Variants in RASA3 observed in about 807,000 individuals in gnomAD.
RASA3 encodes the protein ras GTPase-activating protein 3.
Under a neutral mutation model 110.0 loss-of-function variants are expected in RASA3, and 73 were observed. The ratio of observed to expected loss-of-function variants is 0.66; its 90% CI spans 0.55 to 0.81. RASA3 has a LOEUF of 0.81. Among genes scored for constraint, RASA3 ranks in the 30% least tolerant of loss-of-function variants. RASA3 has a pLI of 0.00. For missense variants in RASA3, 976 were observed against 1,113.2 expected (o/e 0.88, Z 1.75); for synonymous variants, 500 against 451.4 (o/e 1.11, Z -1.37).
At chr13:113,995,434 C>T (rs1219030654) in intron 21 of RASA3, among the ~76,000 whole-genome samples, 2 of 152,268 alleles carry the variant, frequency 1.3e-5, no homozygotes, top group Non-Finnish European at 2.9e-5. Flanking sequence ...CAGCATGGAG[C>T]ACAGCTCATC....
rs1180696906 is a variant in RASA3 at position 114,028,044 on chromosome 13, C to G, written c.450-117G>C. 5 of 829,382 alleles carry G rather than the reference C, an allele frequency of 6.0e-6. No homozygotes were observed. In the African/African-American group the frequency reaches 6.9e-5, roughly 11 times the overall value. 51.4% of individuals were successfully genotyped at this position (829,382 alleles called of 1,614,324 possible). ...CAAGCTGTGAGATGAGGTTTCCTCA[C>G]CGGAAGGCAGGGAGGGCCACACCAG... On this transcript the variant is annotated intron_variant, in intron 5 of 23. Transcript: ENST00000334062.
At chr13:114,024,816 G>A (rs2053997517) in intron 7 of RASA3, among the ~76,000 whole-genome samples, 1 of 152,196 alleles carries the variant, frequency 6.6e-6, no homozygotes, top group Non-Finnish European at 1.5e-5. Flanking sequence ...CCTGAACCTG[G>A]CCGGCCCCGA....
chr13:114,004,554 C>T (rs796191799), intron 18 of RASA3, among the ~76,000 whole-genome samples: 8 of 152,184 alleles, frequency 5.3e-5, no homozygotes, highest in African/African-American at 1.9e-4. Context: ...CACCTGCGAC[C>T]CCAGCTCACG....
chr13:113,981,554 C>T, intron 23 of RASA3, 121 bp downstream of exon 23: 3 of 1,129,692 alleles, frequency 2.7e-6, no homozygotes, highest in Non-Finnish European at 3.8e-6. Context: ...TGGGACTCTC[C>T]TCCCAGGCGG....
At chr13:114,110,893 G>A (rs2080208919) in intron 1 of RASA3, among the ~76,000 whole-genome samples, 2 of 152,216 alleles carry the variant, frequency 1.3e-5, no homozygotes, top group South Asian at 2.1e-4. Flanking sequence ...GGGCAGCAGA[G>A]TGAGGGTCTG....
chr13:114,082,524 C>T (rs1028395949), intron 1 of RASA3, among the ~76,000 whole-genome samples: 2 of 152,234 alleles, frequency 1.3e-5, no homozygotes, highest in Non-Finnish European at 1.5e-5. Context: ...CGGGTGGACA[C>T]ACGCGCTTGA....
Position 114,096,401 on chromosome 13 carries a change from G to A in RASA3, c.56-22564C>T, listed in dbSNP as rs1054946206. On this transcript the variant is annotated intron_variant, in intron 1 of 23. Coordinates refer to ENST00000334062, the MANE Select transcript of RASA3 (RefSeq NM_007368.4). The surrounding 1 kb of genome is among the most constrained non-coding windows in gnomAD (Gnocchi z 5.1). ...CTGGGTGATTCTGCACGCCCGGCTC[G>A]GAACCCTGTGCATTGCCCATCTGTG... is the stretch of plus-strand genomic sequence containing the variant. 3.3e-5 allele frequency among the ~76,000 whole-genome samples: 5 copies of A among 152,072 alleles called. No individual in the cohort carries two copies. Among genetic ancestry groups the A allele is most frequent in the Admixed American group, 2.6e-4 (4 of 15,264 alleles).
intron 21 of RASA3, among the ~76,000 whole-genome samples, chr13:113,995,681 G>GA (rs1400602717): frequency 9.6e-6 from 1 of 104,474 alleles, no homozygotes; most frequent in Admixed American, 9.0e-5. Flanking sequence ...CCAGCTGATG[G>GA]GGGCCCGGCT....
At chr13:114,109,632 C>T (rs149461943) in intron 1 of RASA3, among the ~76,000 whole-genome samples, 176 of 152,314 alleles carry the variant, frequency 1.2e-3, no homozygotes, top group African/African-American at 4.1e-3. Context: ...GCAACATAAA[C>T]GTCAAAGCAA....
rs1258789920 is a variant in RASA3 at position 114,057,140 on chromosome 13, C to A, written c.174-4985G>T. 1 of 923,174 alleles carries A rather than the reference C, an allele frequency of 1.1e-6. No homozygotes were observed. The highest frequency in any genetic ancestry group is 1.8e-5 in the African/African-American group (1 of 55,922). 57.2% of individuals were successfully genotyped at this position (923,174 alleles called of 1,614,324 possible). A position where few individuals can be genotyped will look rare whatever the true frequency, so the allele number is the denominator to read the frequency against. On this transcript the variant is annotated intron_variant, in intron 2 of 23. Coordinates refer to ENST00000334062, the MANE Select transcript of RASA3 (RefSeq NM_007368.4). The surrounding 1 kb of genome is among the most constrained non-coding windows in gnomAD (Gnocchi z 5.0). ...GGTGAGTGTTTTGCATGTCTGATGT[C>A]GTTTATTCTAGTGGTTCCAATTGCC...
intron 2 of RASA3, among the ~76,000 whole-genome samples, chr13:114,070,422 C>T (rs61973919): frequency 2.0e-5 from 3 of 152,092 alleles, no homozygotes; most frequent in East Asian, 1.9e-4. Context: ...GGAGGGCTTC[C>T]GACCACAGAT....
At chr13:114,039,266 A>G (rs957313509) in intron 4 of RASA3, among the ~76,000 whole-genome samples, 2 of 146,820 alleles carry the variant, frequency 1.4e-5, no homozygotes, top group South Asian at 2.2e-4. Flanking sequence ...GTGCAGCAAC[A>G]CTACACTCAG....
At chr13:114,009,237 T>C in intron 17 of RASA3, 150 bp downstream of exon 17, 1 of 652,496 alleles carries the variant, frequency 1.5e-6, no homozygotes, top group South Asian at 1.9e-5. Context: ...CAAGGCTGTC[T>C]GGACAGCGCT....
intron 4 of RASA3, among the ~76,000 whole-genome samples, chr13:114,031,161 CTG>C (rs932297244): frequency 3.3e-5 from 5 of 150,162 alleles, no homozygotes; most frequent in Admixed American, 1.3e-4. Flanking sequence ...GTGCATGCAG[CTG>C]TGTGTGTCTG....
Position 113,981,739 on chromosome 13 carries a change from C to T in RASA3, c.2365G>A (p.Ala789Thr). Residue 789 changes from alanine (A) to threonine (T), a missense_variant, in exon 23 of 24, where the codon GCT becomes ACT. Around this residue, in one of 4 missense-constraint regions of RASA3, gnomAD observed 132 missense variants for 152.8 expected, o/e 0.86. Transcript: ENST00000334062. Reference sequence around the variant, plus strand: ...TACTGGGCGTGCTCCTGCTCCAAAGCCCCAACCCCAGCGATGACTTGCTTT... The same window carrying T: ...TACTGGGCGTGCTCCTGCTCCAAAGTCCCAACCCCAGCGATGACTTGCTTT... ...TLKQVIAGVG[A>T]LEQEHAQYKR... The T allele has an allele frequency of 1.2e-6, 2 of 1,614,114 alleles. No homozygotes were observed. Among genetic ancestry groups the T allele is most frequent in the Admixed American group, 1.7e-5 (1 of 60,024 alleles).
At chr13:114,077,793 C>T in intron 1 of RASA3, 1 of 980,532 alleles carries the variant, frequency 1.0e-6, no homozygotes. Context: ...CCCGATGGCC[C>T]CGTCTTTACC....
At position 114,014,882 on chromosome 13, in the gene RASA3, G is replaced by A. The variant is rs1470893888; in HGVS notation, c.1405+327C>T. 1.3e-5 allele frequency among the ~76,000 whole-genome samples: 2 copies of A among 151,978 alleles called. No homozygotes were observed. Among genetic ancestry groups the A allele is most frequent in the Admixed American group, 6.5e-5 (1 of 15,270 alleles). ...CCGACAAAGCCTGGCCACCCTTCCC[G>A]GCCCCCCCAGAGACCACTGTGGTCG... On this transcript the variant is annotated intron_variant, in intron 14 of 23. Transcript: ENST00000334062. The surrounding 1 kb of genome is among the most constrained non-coding windows in gnomAD (Gnocchi z 4.5).
At chr13:114,099,099 C>T (rs1455930141) in intron 1 of RASA3, among the ~76,000 whole-genome samples, 1 of 7,012 alleles carries the variant, frequency 1.4e-4, no homozygotes, top group Admixed American at 8.2e-4. Flanking sequence ...CCACAGCAGT[C>T]GGGGCCCGGC....
intron 4 of RASA3, among the ~76,000 whole-genome samples, chr13:114,030,736 G>C (rs536226849): frequency 6.6e-6 from 1 of 152,080 alleles, no homozygotes; most frequent in African/African-American, 2.4e-5. Flanking sequence ...GCCTGTGTGC[G>C]TGCGGTTTGT....
Sources: allele counts gnomAD v4.1 joint callset (sites outside exome capture counted in the v4.1 genomes callset), GRCh38; gene constraint gnomAD v4.1.1; regional missense constraint gnomAD v4.1.1; non-coding constraint Gnocchi (gnomAD v3.1); transcripts MANE v1.5; gene names NCBI Gene and HGNC (gene_info 2026-07-23, HGNC 2026-07-21).